The following TBX4 variants were observed in gnomAD, a reference collection of about 807,000 sequenced individuals.
The protein encoded by TBX4 is T-box transcription factor TBX4.
TBX4 carries 13 observed loss-of-function variants against 54.6 expected under a neutral mutation model. That is an observed-to-expected ratio of 0.24 (90% CI 0.15 to 0.38). The LOEUF is 0.38. Among genes scored for constraint, TBX4 ranks in the 10% least tolerant of loss-of-function variants. The pLI is 1.00. For missense variants in TBX4, 631 were observed against 728.5 expected (o/e 0.87, Z 1.54); for synonymous variants, 314 against 306.7 (o/e 1.02, Z -0.25).
At chr17:61,468,088 G>A (rs1246331973) in intron 5 of TBX4, among the ~76,000 whole-genome samples, 2 of 152,198 alleles carry the variant, frequency 1.3e-5, no homozygotes, top group African/African-American at 2.4e-5. Flanking sequence ...ACACAAGAGG[G>A]GTAAGCCTTT....
chr17:61,471,544 T>TTTTTC (rs71299815), intron 5 of TBX4, among the ~76,000 whole-genome samples: 7 of 87,722 alleles, frequency 8.0e-5, no homozygotes, highest in Admixed American at 7.3e-4. Context: ...CTTTTCAGCA[T>TTTTTC]TTTTTTTTTT....
chr17:61,477,954 A>AAAAAAG (rs1555883254), intron 5 of TBX4, among the ~76,000 whole-genome samples: 46 of 151,700 alleles, frequency 3.0e-4, no homozygotes, highest in Admixed American at 5.2e-4. Context: ...AAAAAAAAAA[A>AAAAAAG]AAAAAGAAAA....
In TBX4 at chr17:61,461,619, C is replaced by T. The variant is rs1231083310; in HGVS notation, c.281+3988C>T. ...AATGTATTGAAGTGGAACATTCCTA[C>T]AGAAGAGTCCACAGGTCTTAAGGGT... On this transcript the variant is annotated intron_variant, in intron 3 of 8. Transcript: ENST00000644296. This position sits in a 1 kb window ranked among gnomAD's most constrained non-coding sequence, Gnocchi z 5.1. 2.0e-5 allele frequency among the ~76,000 whole-genome samples: 3 copies of T among 152,232 alleles called. No homozygotes were observed. The highest frequency in any genetic ancestry group is 4.4e-5 in the Non-Finnish European group (3 of 68,046).
chr17:61,475,052 G>A lies in TBX4; in HGVS notation c.550-3575G>A, dbSNP rs1171952005. ...GACGCTGGTGAACAGAGATCATGACGGCGTCTGCACCCTTCTTGACTTCTC... is the reference window on the plus strand; with the variant it reads ...GACGCTGGTGAACAGAGATCATGACAGCGTCTGCACCCTTCTTGACTTCTC... On this transcript the variant is annotated intron_variant, in intron 5 of 8. Transcript: ENST00000644296. This position sits in a 1 kb window ranked among gnomAD's most constrained non-coding sequence, Gnocchi z 5.0. 2.6e-5 allele frequency among the ~76,000 whole-genome samples: 4 copies of A among 152,210 alleles called. No individual in the cohort carries two copies. Among genetic ancestry groups the A allele is most frequent in the African/African-American group, 7.2e-5 (3 of 41,444 alleles).
rs1347332278 is a variant in TBX4 at position 61,454,370 on chromosome 17, G to T, written c.-4+1793G>T. Among the ~76,000 whole-genome samples the T allele has an allele frequency of 7.9e-5, 12 of 152,402 alleles. No homozygotes were observed. The East Asian group carries it at 2.3e-3, about 29-fold the overall frequency. Reference sequence around the variant, plus strand: ...GAAAGCAACAGACCCCATCGCAAAGGCAGCGGAGGTTGCGGGCCGCACCCG... The same window carrying T: ...GAAAGCAACAGACCCCATCGCAAAGTCAGCGGAGGTTGCGGGCCGCACCCG... On this transcript the variant is annotated intron_variant, in intron 1 of 8. Transcript: ENST00000644296.
Position 61,456,561 on chromosome 17 carries a change from C to A in TBX4, c.71C>A (p.Ala24Asp). Reference protein sequence around the residue: ...FRAPGPALGEASAANAPEPAL... With the variant: ...FRAPGPALGEDSAANAPEPAL... ...GCCCCGGGCCCAGCGCTCGGAGAGG[C>A]CAGCGCAGCCAACGCCCCCGAGCCC... The change falls in exon 2 of 9, where the codon GCC becomes GAC. Residue 24 changes from alanine (A) to aspartate (D), a missense_variant. Around this residue, in one of 3 missense-constraint regions of TBX4, gnomAD observed 123 missense variants for 120.9 expected, o/e 1.02. Transcript: ENST00000644296. 6.5e-7 allele frequency: 1 copy of A among 1,546,928 alleles called. No individual in the cohort carries two copies. The highest frequency in any genetic ancestry group is 8.7e-7 in the Non-Finnish European group (1 of 1,145,576).
Position 61,472,736 on chromosome 17 carries a change from A to G in TBX4, c.549+5079A>G, listed in dbSNP as rs1354783523. Among the ~76,000 whole-genome samples the G allele has an allele frequency of 1.3e-5, 2 of 151,860 alleles. No homozygotes were observed. Among genetic ancestry groups the G allele is most frequent in the Non-Finnish European group, 2.9e-5 (2 of 67,996 alleles). On this transcript the variant is annotated intron_variant, in intron 5 of 8. Coordinates refer to ENST00000644296, the MANE Select transcript of TBX4 (RefSeq NM_001321120.2). This position sits in a 1 kb window ranked among gnomAD's most constrained non-coding sequence, Gnocchi z 4.5. ...TTTTATGGATTTATTTTTACATTTA[A>G]ACCATTGATCCTTTTGAAATTTATC...
chr17:61,470,945 G>A (rs2060572618), intron 5 of TBX4, among the ~76,000 whole-genome samples: 1 of 152,230 alleles, frequency 6.6e-6, no homozygotes, highest in Non-Finnish European at 1.5e-5. Context: ...TGGGGCATAG[G>A]CGGGACCTGT....
In TBX4 at chr17:61,483,965, C is replaced by T. The variant is rs1424819807; in HGVS notation, c.*449C>T. 1 of 186,902 alleles carries T rather than the reference C, an allele frequency of 5.4e-6. No homozygotes were observed. Among genetic ancestry groups the T allele is most frequent in the East Asian group, 1.4e-4 (1 of 7,156 alleles). The allele number at this position is 186,902 out of a possible 1,614,324, so 11.6% of individuals were successfully genotyped here. ...TGGGGTGTGAGGACTCTGTGCACAC[C>T]TTAGAGTTCCTGGCCTTCTCTTTGC... On this transcript the variant is annotated 3_prime_UTR_variant, in exon 9 of 9. Coordinates refer to ENST00000644296, the MANE Select transcript of TBX4 (RefSeq NM_001321120.2). The surrounding 1 kb of genome is among the most constrained non-coding windows in gnomAD (Gnocchi z 6.6).
rs559159326 is a variant in TBX4, at chr17:61,457,484, C to T, written c.187-53C>T. 19 of 1,556,692 alleles carry T rather than the reference C, an allele frequency of 1.2e-5. No homozygotes were observed. Among genetic ancestry groups the T allele is most frequent in the African/African-American group, 2.7e-5 (2 of 73,880 alleles). ...GTCTGGTTCTTCTTTCCTCAGGCTC[C>T]GCGTGGAGCCCTGGGCCTGGCAGAC... On this transcript the variant is annotated intron_variant, in intron 2 of 8. Coordinates refer to ENST00000644296, the MANE Select transcript of TBX4 (RefSeq NM_001321120.2). This position sits in a 1 kb window ranked among gnomAD's most constrained non-coding sequence, Gnocchi z 8.2.
Position 61,465,832 on chromosome 17 carries a change from A to G in TBX4, c.295A>G (p.Ser99Gly), listed in dbSNP as rs868125246. Residue 99 changes from serine (S) to glycine (G), a missense_variant, in exon 4 of 9, where the codon AGC (serine) becomes GGC (glycine). This residue lies in a region of TBX4 where 154 missense variants were observed against 238.6 expected (regional missense o/e 0.65). Transcript: ENST00000644296. This position sits in a 1 kb window ranked among gnomAD's most constrained non-coding sequence, Gnocchi z 4.9. ...CGGCTCCCCCAGGAGGATGTTCCCC[A>G]GCTACAAGGTAAAAGTCACAGGCAT... ...ITKAGRRMFP[S>G]YKVKVTGMNP... 1 of 1,613,964 alleles carries G rather than the reference A, an allele frequency of 6.2e-7. No individual in the cohort carries two copies. Among genetic ancestry groups the G allele is most frequent in the African/African-American group, 1.3e-5 (1 of 74,900 alleles).
chr17:61,480,141 C>T lies in TBX4; in HGVS notation c.843C>T (p.Ser281=). The T allele has an allele frequency of 1.2e-6, 2 of 1,614,132 alleles. No individual in the cohort carries two copies. Among genetic ancestry groups the T allele is most frequent in the Non-Finnish European group, 1.7e-6 (2 of 1,180,010 alleles). The change falls in exon 8 of 9, where the codon TCC becomes TCT. Residue 281 remains serine, a synonymous_variant. Coordinates refer to ENST00000644296, the MANE Select transcript of TBX4 (RefSeq NM_001321120.2). The surrounding 1 kb of genome is among the most constrained non-coding windows in gnomAD (Gnocchi z 6.2). ...GCATCATGAGGCAGAGGCTCATCTC[C>T]CCCCAGCTCTCAGCCACACCGGACG... is the stretch of plus-strand genomic sequence containing the variant. ...SKSIMRQRLI[S]PQLSATPDVG... is the part of the protein sequence containing the mutation.
intron 4 of TBX4, among the ~76,000 whole-genome samples, chr17:61,466,595 G>A (rs985091411): frequency 1.3e-5 from 2 of 152,218 alleles, no homozygotes; most frequent in Non-Finnish European, 2.9e-5. Context: ...CTCCAGGAGC[G>A]AGCAGCCAGC....
chr17:61,466,209 C>T (rs370713045), intron 4 of TBX4, among the ~76,000 whole-genome samples: 19 of 152,102 alleles, frequency 1.2e-4, no homozygotes, highest in Admixed American at 8.5e-4. Flanking sequence ...TCCTTATGGC[C>T]GTGGGTAGTC....
chr17:61,467,677 G>A lies in TBX4; in HGVS notation c.549+20G>A. The stretch of plus-strand genomic sequence containing the variant: ...GGCCATGTAAGCATGGGGGCTGCCT[G>A]GCCCCAGGAGGCAAGTCTGGGGCAG... On this transcript the variant is annotated intron_variant, in intron 5 of 8. Transcript: ENST00000644296. 1.2e-6 allele frequency: 2 copies of A among 1,614,036 alleles called. No individual in the cohort carries two copies. The highest frequency in any genetic ancestry group is 1.7e-6 in the Non-Finnish European group (2 of 1,179,994).
At chr17:61,468,931 G>A (rs1603251995) in intron 5 of TBX4, among the ~76,000 whole-genome samples, 1 of 152,140 alleles carries the variant, frequency 6.6e-6, no homozygotes, top group African/African-American at 2.4e-5. Context: ...CCTATGCTTG[G>A]CCAGGCTGTG....
At chr17:61,473,912 G>A (rs1448911748) in intron 5 of TBX4, among the ~76,000 whole-genome samples, 1 of 152,216 alleles carries the variant, frequency 6.6e-6, no homozygotes, top group African/African-American at 2.4e-5. Flanking sequence ...AGGCCCCACG[G>A]TACCACCCCA....
Position 61,457,571 on chromosome 17 carries a change from A to C in TBX4, c.221A>C (p.Lys74Thr), listed in dbSNP as rs1569032599. 2 of 1,613,772 alleles carry C rather than the reference A, an allele frequency of 1.2e-6. No homozygotes were observed. The highest frequency in any genetic ancestry group is 8.5e-7 in the Non-Finnish European group (1 of 1,179,954). ...AACATCAAGGTGGGGCTGCATGAGA[A>C]GGAGCTCTGGAAGAAGTTCCACGAG... ...IENIKVGLHE[K>T]ELWKKFHEAG... Residue 74 changes from lysine (K) to threonine (T), a missense_variant, in exon 3 of 9, where the codon AAG (lysine) becomes ACG (threonine). Around this residue, in one of 3 missense-constraint regions of TBX4, gnomAD observed 123 missense variants for 120.9 expected, o/e 1.02. Transcript: ENST00000644296. This position sits in a 1 kb window ranked among gnomAD's most constrained non-coding sequence, Gnocchi z 8.2.
chr17:61,467,744 C>T, intron 5 of TBX4, 87 bp downstream of exon 5: 2 of 1,543,078 alleles, frequency 1.3e-6, no homozygotes, highest in Non-Finnish European at 1.8e-6. Context: ...AGGGAGAATC[C>T]ACTCCGGGAT....
Sources: allele counts gnomAD v4.1 joint callset (sites outside exome capture counted in the v4.1 genomes callset), GRCh38; gene constraint gnomAD v4.1.1; regional missense constraint gnomAD v4.1.1; non-coding constraint Gnocchi (gnomAD v3.1); transcripts MANE v1.5; gene names NCBI Gene and HGNC (gene_info 2026-07-23, HGNC 2026-07-21).